PIR: variants seen among roughly 807,000 people sequenced by gnomAD.
The protein encoded by PIR is pirin.
Under a neutral mutation model 24.2 loss-of-function variants are expected in PIR, and 22 were observed. The ratio of observed to expected loss-of-function variants is 0.91; its 90% CI spans 0.65 to 1.30. The LOEUF is 1.30. Ranked by LOEUF, PIR falls within the 50% of genes most tolerant of loss-of-function variation. The pLI, the probability that PIR is intolerant of heterozygous loss-of-function variation, is 0.00. For missense variants in PIR, 220 were observed against 220.3 expected (o/e 1.00, Z 0.01); for synonymous variants, 80 against 79.6 (o/e 1.00, Z -0.03).
intron 6 of PIR, among the ~76,000 whole-genome samples, chrX:15,413,188 T>C (rs1180622360): frequency 8.9e-6 from 1 of 111,839 alleles, no homozygotes; most frequent in Non-Finnish European, 1.9e-5. Flanking sequence ...CCCTTTCTTC[T>C]TTTTCCACTT....
chrX:15,416,410 A>G (rs182808606), intron 6 of PIR, among the ~76,000 whole-genome samples: 23 of 112,165 alleles, frequency 2.1e-4, no homozygotes, highest in African/African-American at 7.4e-4. Flanking sequence ...AAGCCTGTGG[A>G]AAAAATCACT....
At chrX:15,432,960 TA>T (rs1925558695) in intron 5 of PIR, among the ~76,000 whole-genome samples, 1 of 112,594 alleles carries the variant, frequency 8.9e-6, no homozygotes, top group African/African-American at 3.2e-5. Flanking sequence ...TGCCATTTAT[TA>T]AGATGGAGAA....
chrX:15,434,630 G>C, intron 5 of PIR, among the ~76,000 whole-genome samples: 1 of 110,393 alleles, frequency 9.1e-6, no homozygotes, highest in Non-Finnish European at 1.9e-5. Flanking sequence ...CTTCAGTGAT[G>C]TGTGACTGTG....
At chrX:15,434,778 A>T (rs1431739198) in intron 5 of PIR, among the ~76,000 whole-genome samples, 1 of 107,414 alleles carries the variant, frequency 9.3e-6, no homozygotes, top group Non-Finnish European at 1.9e-5. Context: ...CTTTAATTTC[A>T]TTTACAAGGT....
At chrX:15,465,653 C>T (rs1921535625) in intron 3 of PIR, among the ~76,000 whole-genome samples, 2 of 112,028 alleles carry the variant, frequency 1.8e-5, no homozygotes, top group South Asian at 3.7e-4. Flanking sequence ...TAATTCTTTC[C>T]GTGGGTCTTT....
rs750267894 is a variant in PIR, at chrX:15,416,493, GT to G, written c.566-8944del. On this transcript the variant is annotated intron_variant, in intron 6 of 9. Transcript: ENST00000380420. ...AGAGAGAGAAAAAAAATCACTACTT[GT>G]TTTCGAGTCATTGACCATATGGAAA... Among the ~76,000 whole-genome samples, 6 of 111,582 alleles carry G rather than the reference GT, an allele frequency of 5.4e-5. No individual in the cohort carries two copies. In the East Asian group the frequency reaches 1.7e-3, roughly 32 times the overall value.
At chrX:15,411,163 C>A (rs1281922486) in intron 6 of PIR, among the ~76,000 whole-genome samples, 2 of 111,915 alleles carry the variant, frequency 1.8e-5, no homozygotes, top group Non-Finnish European at 3.8e-5. Flanking sequence ...TGTCTCTTTG[C>A]AGCTGAAAAG....
intron 8 of PIR, among the ~76,000 whole-genome samples, chrX:15,393,346 A>G (rs943559738): frequency 3.7e-4 from 42 of 112,466 alleles, no homozygotes; most frequent in African/African-American, 1.3e-3. Flanking sequence ...TTTATGGTTC[A>G]CTTAATATGT....
intron 5 of PIR, among the ~76,000 whole-genome samples, chrX:15,433,511 G>GGAAAGAAAGAAA (rs765522981): frequency 2.1e-5 from 1 of 48,107 alleles, no homozygotes; most frequent in Non-Finnish European, 3.7e-5. Flanking sequence ...AGGAGGAGGA[G>GGAAAGAAAGAAA]GAAAGAAAGA....
At chrX:15,389,404 T>A (rs928120137) in intron 9 of PIR, among the ~76,000 whole-genome samples, 1 of 112,031 alleles carries the variant, frequency 8.9e-6, no homozygotes, top group African/African-American at 3.2e-5. Flanking sequence ...GTTCTTTAAA[T>A]TCATGAGCAG....
chrX:15,388,586 A>G (rs1923850668), intron 9 of PIR, among the ~76,000 whole-genome samples: 1 of 112,599 alleles, frequency 8.9e-6, no homozygotes, highest in Non-Finnish European at 1.9e-5. Flanking sequence ...CTATGCAAGC[A>G]TCCATTAAGT....
At chrX:15,484,130 TAATGAATACCTAAAA>T (rs766793614) in intron 2 of PIR, among the ~76,000 whole-genome samples, 1 of 110,378 alleles carries the variant, frequency 9.1e-6, no homozygotes, top group Non-Finnish European at 1.9e-5. Flanking sequence ...AGCACTGATG[TAATGAATACCTAAAA>T]CTGGAAGTAG....
chrX:15,473,659 C>T (rs1403994732), intron 3 of PIR, among the ~76,000 whole-genome samples: 8 of 111,149 alleles, frequency 7.2e-5, no homozygotes, highest in African/African-American at 9.8e-5. Flanking sequence ...CAGGTTCAAA[C>T]GATTCTCCTG....
intron 9 of PIR, among the ~76,000 whole-genome samples, chrX:15,389,084 T>C (rs1442674724): frequency 9.0e-6 from 1 of 111,645 alleles, no homozygotes; most frequent in Non-Finnish European, 1.9e-5. Flanking sequence ...CTTTTCATTA[T>C]TGGTACAGAG....
At chrX:15,441,987 G>A (rs746149319) in intron 5 of PIR, among the ~76,000 whole-genome samples, 11 of 110,893 alleles carry the variant, frequency 9.9e-5, no homozygotes, top group African/African-American at 2.3e-4. Flanking sequence ...CTCTCAATTC[G>A]TTCGGAACTT....
chrX:15,385,010 C>T lies in PIR; in HGVS notation c.867G>A (p.Gly289=). Reference sequence around the variant, plus strand: ...CCTGCTCTTCCGCTTTCCACTAGTTCCCAATCTTTGATTTCCAGGTTTTGG... The same window carrying T: ...CCTGCTCTTCCGCTTTCCACTAGTTTCCAATCTTTGATTTCCAGGTTTTGG... ...ERAKTWKSKI[G]N is the part of the protein sequence containing the mutation. The change falls in exon 10 of 10, where the codon GGG becomes GGA. Residue 289 remains glycine (G), a synonymous_variant. Transcript: ENST00000380420. 1 of 1,134,072 alleles carries T rather than the reference C, an allele frequency of 8.8e-7. No individual in the cohort carries two copies. The highest frequency in any genetic ancestry group is 1.2e-6 in the Non-Finnish European group (1 of 825,557). The allele number at this position is 1,134,072 out of a possible 1,213,427, so 93.5% of individuals were successfully genotyped here.
chrX:15,397,652 G>T, intron 7 of PIR, 121 bp from the exon 8 acceptor site: 1 of 458,477 alleles, frequency 2.2e-6, no homozygotes, highest in South Asian at 4.1e-5. Context: ...AATGGACTTA[G>T]TAATTCCCTT....
At chrX:15,385,143 G>T in intron 9 of PIR, 27 bp from the exon 10 acceptor site, 1 of 789,228 alleles carries the variant, frequency 1.3e-6, no homozygotes, top group Non-Finnish European at 1.9e-6. Context: ...CATTCAGAAA[G>T]TTCTGGGTGG....
chrX:15,444,616 A>G (rs1008809623), intron 5 of PIR, among the ~76,000 whole-genome samples: 1 of 111,663 alleles, frequency 9.0e-6, no homozygotes, highest in Non-Finnish European at 1.9e-5. Flanking sequence ...TGTTTGGCTG[A>G]CAGACTTTGT....
Sources: gnomAD v4.1 joint callset for allele counts (sites outside exome capture counted in the v4.1 genomes callset) on GRCh38, gnomAD v4.1.1 for gene constraint, MANE v1.5 for transcripts, NCBI Gene and HGNC (gene_info 2026-07-23, HGNC 2026-07-21) for gene names.